The following DPM1 variants were observed in gnomAD, a reference collection of about 807,000 sequenced individuals.
DPM1 encodes dolichyl-phosphate mannosyltransferase subunit 1, catalytic.
In DPM1, 27 loss-of-function variants were observed where a neutral mutation model predicts 39.0. The observed-to-expected ratio is 0.69, with a 90% CI of 0.51 to 0.95. DPM1 has a LOEUF of 0.95. Among genes scored for constraint, DPM1 ranks in the 40% least tolerant of loss-of-function variants. The pLI, the probability that DPM1 is intolerant of heterozygous loss-of-function variation, is 0.00. For synonymous variants in DPM1, 124 were observed against 109.0 expected (o/e 1.14, Z -0.86); for missense variants, 307 against 315.6 (o/e 0.97, Z 0.21).
chr20:50,935,918 T>C (rs995761326), intron 8 of DPM1, among the ~76,000 whole-genome samples: 1 of 152,204 alleles, frequency 6.6e-6, no homozygotes, highest in Non-Finnish European at 1.5e-5. Flanking sequence ...ATTGAGAAAG[T>C]ACCAGGAACT....
chr20:50,941,883 A>G, intron 6 of DPM1, 148 bp downstream of exon 6: 1 of 717,366 alleles, frequency 1.4e-6, no homozygotes, highest in Non-Finnish European at 2.4e-6. Context: ...ATCACAGGAA[A>G]AACTGTAAGA....
chr20:50,945,642 G>A (rs1396994099), intron 5 of DPM1, 95 bp downstream of exon 5: 7 of 1,157,264 alleles, frequency 6.0e-6, no homozygotes, highest in Admixed American at 2.0e-5. Flanking sequence ...AATAGTATGT[G>A]TATTTTTGAT....
rs181561664 is a variant in DPM1 at position 50,948,939 on chromosome 20, C to T, written c.262-277G>A. ...ACAGTGGCGTGATCTCCGCTCACTGCAACCTCTGCCTCCTGGGTTAAAGTG... is the reference window on the plus strand; with the variant it reads ...ACAGTGGCGTGATCTCCGCTCACTGTAACCTCTGCCTCCTGGGTTAAAGTG... On this transcript the variant is annotated intron_variant, in intron 2 of 8. Coordinates refer to ENST00000371588, the MANE Select transcript of DPM1 (RefSeq NM_003859.3). Among the ~76,000 whole-genome samples, 104 of 152,098 alleles carry T rather than the reference C, an allele frequency of 6.8e-4. No individual in the cohort carries two copies. In the Middle Eastern group the frequency reaches 0.014, roughly 20 times the overall value.
chr20:50,953,456 T>C (rs1986681095), intron 2 of DPM1, among the ~76,000 whole-genome samples: 1 of 152,244 alleles, frequency 6.6e-6, no homozygotes, highest in Admixed American at 6.5e-5. Context: ...CAACGAAACA[T>C]ACATCTGTCA....
At chr20:50,945,981 T>G in intron 3 of DPM1, 58 bp from the exon 4 acceptor site, 1 of 1,442,670 alleles carries the variant, frequency 6.9e-7, no homozygotes, top group Admixed American at 1.7e-5. Context: ...CATATACATT[T>G]GAACATCAAG....
intron 2 of DPM1, among the ~76,000 whole-genome samples, chr20:50,953,840 C>T (rs1986701412): frequency 1.3e-5 from 2 of 152,190 alleles, no homozygotes; most frequent in Non-Finnish European, 2.9e-5. Context: ...GTGGCCTTCA[C>T]CCTGGGCTTC....
chr20:50,949,980 G>A (rs1368381366), intron 2 of DPM1, among the ~76,000 whole-genome samples: 2 of 152,174 alleles, frequency 1.3e-5, no homozygotes, highest in African/African-American at 4.8e-5. Context: ...GACATGTAAT[G>A]TAAGAACTTC....
At chr20:50,940,840 A>C (rs764542320) in intron 7 of DPM1, 25 bp downstream of exon 7, 1 of 1,556,486 alleles carries the variant, frequency 6.4e-7, no homozygotes, top group African/African-American at 1.4e-5. Flanking sequence ...AAGTTATATA[A>C]AAGTAGTGGA....
chr20:50,958,271 G>A (rs1986942887), intron 1 of DPM1, 92 bp downstream of exon 1: 2 of 1,537,132 alleles, frequency 1.3e-6, no homozygotes, highest in African/African-American at 1.4e-5. Context: ...AAAGAAGGCT[G>A]GACAGGGCCG....
chr20:50,948,726 C>T (rs1235010988), intron 2 of DPM1, 64 bp from the exon 3 acceptor site: 4 of 1,482,762 alleles, frequency 2.7e-6, no homozygotes, highest in African/African-American at 1.4e-5. Flanking sequence ...TAAATTTTAT[C>T]TTATTCAAAA....
At chr20:50,951,135 CTCAAAAA>C (rs1268861920) in intron 2 of DPM1, among the ~76,000 whole-genome samples, 1 of 152,174 alleles carries the variant, frequency 6.6e-6, no homozygotes, top group East Asian at 1.9e-4. Context: ...CTTGGTCTAA[CTCAAAAA>C]ATCTTCTTGT....
intron 3 of DPM1, among the ~76,000 whole-genome samples, chr20:50,948,137 G>A (rs1986392010): frequency 6.6e-6 from 1 of 152,152 alleles, no homozygotes; most frequent in South Asian, 2.1e-4. Context: ...GAGGGGAAAA[G>A]GGAAAAGTCT....
intron 7 of DPM1, among the ~76,000 whole-genome samples, chr20:50,940,086 T>TTGTGTGTGTGTGTGTGTG (rs11469059): frequency 4.1e-5 from 6 of 146,536 alleles, no homozygotes; most frequent in African/African-American, 1.5e-4. Context: ...AGGTCCTAAT[T>TTGTGTGTGTGTGTGTGTG]TGTGTGTGTG....
chr20:50,955,399 C>A, intron 1 of DPM1, 114 bp from the exon 2 acceptor site: 1 of 757,548 alleles, frequency 1.3e-6, no homozygotes, highest in Non-Finnish European at 2.2e-6. Flanking sequence ...CTATATTAAT[C>A]GTTGAGGAAA....
At chr20:50,957,120 G>T (rs146767737) in intron 1 of DPM1, among the ~76,000 whole-genome samples, 90 of 152,184 alleles carry the variant, frequency 5.9e-4, no homozygotes, top group African/African-American at 2.0e-3. Context: ...AAAATTAAAA[G>T]ATTAAACAGG....
intron 1 of DPM1, among the ~76,000 whole-genome samples, chr20:50,956,792 CA>C (rs1986844627): frequency 1.3e-5 from 2 of 152,182 alleles, no homozygotes; most frequent in Admixed American, 6.5e-5. Flanking sequence ...ATTCCATAAA[CA>C]AAATGGGGTC....
At chr20:50,948,593 C>T (rs1986413806) in intron 3 of DPM1, 36 bp downstream of exon 3, 1 of 1,605,554 alleles carries the variant, frequency 6.2e-7, no homozygotes, top group East Asian at 2.2e-5. Context: ...ACCAAGCAAG[C>T]AGCAGGTGTG....
chr20:50,944,376 A>C (rs1986130458), intron 5 of DPM1: 1 of 152,174 alleles, frequency 6.6e-6, no homozygotes, highest in African/African-American at 2.4e-5. Context: ...GCTTTTGTAT[A>C]CTGGAGATAT....
In DPM1 at chr20:50,947,156, C is replaced by T. The variant is rs535655727; in HGVS notation, c.296-1233G>A. Among the ~76,000 whole-genome samples the T allele has an allele frequency of 5.3e-5, 8 of 152,246 alleles. No individual in the cohort carries two copies. The South Asian group carries it at 8.3e-4, about 16-fold the overall frequency. On this transcript the variant is annotated intron_variant, in intron 3 of 8. Coordinates refer to ENST00000371588, the MANE Select transcript of DPM1 (RefSeq NM_003859.3). ...CCGGGAGGCAGAGATCGCGGTGAGC[C>T]GAGATCGCGTCATCGCACCCCAGCC...
Sources: allele counts gnomAD v4.1 joint callset (sites outside exome capture counted in the v4.1 genomes callset), GRCh38; gene constraint gnomAD v4.1.1; transcripts MANE v1.5; gene names NCBI Gene and HGNC (gene_info 2026-07-23, HGNC 2026-07-21).